SNRPN: variants seen among roughly 807,000 people sequenced by gnomAD.
The protein encoded by SNRPN is small nuclear ribonucleoprotein polypeptide N.
In SNRPN, 7 loss-of-function variants were observed where a neutral mutation model predicts 25.2. That is an observed-to-expected ratio of 0.28 (90% CI 0.16 to 0.52). The LOEUF (loss-of-function observed/expected upper bound fraction) is 0.52. Ranked by LOEUF, SNRPN falls within the 20% of genes least tolerant of loss-of-function variation. The pLI, the probability that SNRPN is intolerant of heterozygous loss-of-function variation, is 0.96. For missense variants in SNRPN, 196 were observed against 322.5 expected, an observed-to-expected ratio of 0.61 and a Z score of 3.00; for synonymous variants, 124 against 110.6, an observed-to-expected ratio of 1.12 and a Z score of -0.76.
intron 3 of SNRPN, among the ~76,000 whole-genome samples, chr15:24,940,068 G>T (rs1024882033): frequency 1.3e-5 from 2 of 152,140 alleles, no homozygotes; most frequent in Non-Finnish European, 2.9e-5. Flanking sequence ...AGGCTTACAG[G>T]CATGAGCCAC....
rs962442756 is a variant in SNRPN, at chr15:24,895,457, A to T, written c.-505+8868A>T. Among the ~76,000 whole-genome samples, 16 of 151,408 alleles carry T rather than the reference A, an allele frequency of 1.1e-4. No homozygotes were observed. In the East Asian group the frequency reaches 3.1e-3, roughly 29 times the overall value. ...CACACACACGGACAACACATTCCCTATGACTATCTTAAAATTGATTAACCT... is the reference window on the plus strand; with the variant it reads ...CACACACACGGACAACACATTCCCTTTGACTATCTTAAAATTGATTAACCT... On this transcript the variant is annotated intron_variant, in intron 2 of 11. Transcript: ENST00000400097.
At chr15:24,924,702 T>G (rs2060268929) in intron 3 of SNRPN, among the ~76,000 whole-genome samples, 1 of 151,928 alleles carries the variant, frequency 6.6e-6, no homozygotes, top group African/African-American at 2.4e-5. Context: ...TTGCCTAGGC[T>G]GGTCTCCAAT....
intron 1 of SNRPN, among the ~76,000 whole-genome samples, chr15:24,870,951 G>C (rs572678034): frequency 7.9e-5 from 12 of 151,718 alleles, no homozygotes; most frequent in African/African-American, 2.9e-4. Context: ...TGTGTTCTTG[G>C]CTCACTGCAG....
At chr15:24,915,867 G>A (rs1252658694) in intron 2 of SNRPN, among the ~76,000 whole-genome samples, 1 of 151,424 alleles carries the variant, frequency 6.6e-6, no homozygotes, top group African/African-American at 2.4e-5. Context: ...ACAAATTTAG[G>A]AATGATATTC....
intron 3 of SNRPN, among the ~76,000 whole-genome samples, chr15:24,931,838 CAAAAAAAAAAAAAA>C (rs71127026): frequency 9.3e-5 from 4 of 42,980 alleles, no homozygotes; most frequent in Admixed American, 4.4e-4. Context: ...GAACCTGTCT[CAAAAAAAAAAAAAA>C]AAAAAAAAAA....
At chr15:24,889,736 G>C (rs895575417) in intron 2 of SNRPN, among the ~76,000 whole-genome samples, 1 of 151,958 alleles carries the variant, frequency 6.6e-6, no homozygotes, top group Non-Finnish European at 1.5e-5. Context: ...TTGTTTCATA[G>C]GTAGTGCAGG....
At chr15:24,832,670 CT>C (rs1018755073) in intron 2 of SNRPN, among the ~76,000 whole-genome samples, 1 of 151,984 alleles carries the variant, frequency 6.6e-6, no homozygotes, top group African/African-American at 2.4e-5. Flanking sequence ...CACAATAAGC[CT>C]TGCTACCGGT....
At chr15:24,879,975 C>T (rs1001679913) in intron 1 of SNRPN, among the ~76,000 whole-genome samples, 4 of 152,156 alleles carry the variant, frequency 2.6e-5, no homozygotes, top group African/African-American at 9.7e-5. Context: ...TAATCAGCAA[C>T]TCCAAGAGGT....
intron 2 of SNRPN, among the ~76,000 whole-genome samples, chr15:24,965,519 A>T (rs1363532157): frequency 3.9e-5 from 6 of 152,206 alleles, no homozygotes. Flanking sequence ...TGGGTGACAT[A>T]GCAAGACTCC....
At chr15:24,951,164 T>C (rs551152784), upstream of SNRPN, among the ~76,000 whole-genome samples, 2 of 152,118 alleles carry the variant, frequency 1.3e-5, no homozygotes, top group East Asian at 3.9e-4. Flanking sequence ...TGCCTGGCCG[T>C]TTTCATTTCT....
intron 2 of SNRPN, among the ~76,000 whole-genome samples, chr15:24,902,805 C>T (rs1026925150): frequency 1.3e-5 from 2 of 152,116 alleles, no homozygotes; most frequent in East Asian, 3.9e-4. Context: ...GTTACAAGCT[C>T]GTAAAGGTAG....
chr15:24,921,672 T>C (rs1407708990), intron 3 of SNRPN, among the ~76,000 whole-genome samples: 1 of 152,108 alleles, frequency 6.6e-6, no homozygotes, highest in African/African-American at 2.4e-5. Context: ...GGTTCTTGGT[T>C]TGAATTTGCT....
chr15:24,967,907 T>A, intron 2 of SNRPN, 25 bp from the exon 3 acceptor site: 1 of 1,587,264 alleles, frequency 6.3e-7, no homozygotes, highest in Non-Finnish European at 8.7e-7. Flanking sequence ...TTTTATCATT[T>A]ATATATATTG....
intron 2 of SNRPN, among the ~76,000 whole-genome samples, chr15:24,914,270 A>C (rs1398520740): frequency 1.3e-5 from 2 of 152,216 alleles, no homozygotes; most frequent in Non-Finnish European, 2.9e-5. Context: ...CAGGAAGAAC[A>C]GATGTGCAGC....
chr15:24,863,985 T>C (rs2054271200), intron 1 of SNRPN, among the ~76,000 whole-genome samples: 1 of 149,090 alleles, frequency 6.7e-6, no homozygotes, highest in Non-Finnish European at 1.5e-5. Context: ...TTTAGATGTT[T>C]TTTCTTTTTT....
chr15:24,907,584 C>T (rs1008594477), intron 2 of SNRPN, among the ~76,000 whole-genome samples: 4 of 151,928 alleles, frequency 2.6e-5, no homozygotes, highest in African/African-American at 9.7e-5. Flanking sequence ...GGTGACAGAG[C>T]GAGACTCCAT....
chr15:24,863,484 C>G lies in SNRPN; in HGVS notation c.-579+6768C>G, dbSNP rs182476664. Among the ~76,000 whole-genome samples the G allele has an allele frequency of 4.9e-4, 74 of 150,560 alleles. 9 individuals carry two copies. Among genetic ancestry groups the G allele is most frequent in the African/African-American group, 1.8e-3 (73 of 40,068 alleles). On this transcript the variant is annotated intron_variant, in intron 1 of 11. Transcript: ENST00000400097. ...GCACGCATCTGTGTCTGCGTGTCCT[C>G]TCGGTGTGCTGACATTCTTACAAAA...
At chr15:24,860,774 A>G (rs1178698784) in intron 1 of SNRPN, among the ~76,000 whole-genome samples, 6 of 152,228 alleles carry the variant, frequency 3.9e-5, no homozygotes, top group African/African-American at 1.4e-4. Context: ...TATAGTTTCC[A>G]TTAATGTGTA....
intron 2 of SNRPN, among the ~76,000 whole-genome samples, chr15:24,886,959 G>C (rs2057253851): frequency 6.6e-6 from 1 of 152,034 alleles, no homozygotes; most frequent in Admixed American, 6.6e-5. Context: ...GGCAGGAATG[G>C]GATGTAAAGT....
Sources: gnomAD v4.1 joint callset for allele counts (sites outside exome capture counted in the v4.1 genomes callset) on GRCh38, gnomAD v4.1.1 for gene constraint, MANE v1.5 for transcripts, NCBI Gene and HGNC (gene_info 2026-07-23, HGNC 2026-07-21) for gene names.